Variants in MYO5B observed in about 807,000 individuals in gnomAD.
MYO5B encodes the protein unconventional myosin-Vb.
In MYO5B, 143 loss-of-function variants were observed where a neutral mutation model predicts 229.3. That is an observed-to-expected ratio of 0.62 (90% CI 0.54 to 0.72). The LOEUF is 0.72. MYO5B is among the 30% of genes least tolerant of loss of function. MYO5B has a pLI of 0.00. For missense variants in MYO5B, 2,321 were observed against 2,331.0 expected (o/e 1.00, Z 0.09); for synonymous variants, 918 against 885.2 (o/e 1.04, Z -0.66).
chr18:49,858,212 A>G (rs2024285931), intron 29 of MYO5B, among the ~76,000 whole-genome samples: 1 of 152,220 alleles, frequency 6.6e-6, no homozygotes, highest in South Asian at 2.1e-4. Context: ...ACATCAACAT[A>G]GACTTTAACA....
At chr18:49,878,285 A>G (rs1297515763) in intron 24 of MYO5B, among the ~76,000 whole-genome samples, 1 of 152,194 alleles carries the variant, frequency 6.6e-6, no homozygotes, top group Non-Finnish European at 1.5e-5. Context: ...TGAAAATAGT[A>G]GCATATTAAA....
intron 39 of MYO5B, among the ~76,000 whole-genome samples, chr18:49,826,853 C>T (rs375812218): frequency 1.2e-4 from 19 of 152,228 alleles, no homozygotes; most frequent in Non-Finnish European, 2.6e-4. Flanking sequence ...TCTCCCAATT[C>T]TAGCATTCTT....
chr18:50,015,650 G>C (rs2026208230), intron 4 of MYO5B, among the ~76,000 whole-genome samples: 1 of 152,234 alleles, frequency 6.6e-6, no homozygotes, highest in African/African-American at 2.4e-5. Context: ...CTTCCTGGTA[G>C]TTGACAATTA....
chr18:49,957,475 ATC>A (rs2025506691), intron 12 of MYO5B, among the ~76,000 whole-genome samples: 1 of 151,996 alleles, frequency 6.6e-6, no homozygotes, highest in Non-Finnish European at 1.5e-5. Flanking sequence ...GGGAGACCTC[ATC>A]TCTACAAAAA....
At chr18:50,109,273 G>A (rs72919804) in intron 1 of MYO5B, among the ~76,000 whole-genome samples, 36,355 of 151,874 alleles carry the variant, frequency 0.24, 5,278 homozygotes, top group African/African-American at 0.42. Flanking sequence ...TACGGGACCA[G>A]CAGGAAAAAC....
intron 33 of MYO5B, among the ~76,000 whole-genome samples, chr18:49,845,377 TCA>T (rs2024112219): frequency 6.6e-6 from 1 of 152,192 alleles, no homozygotes; most frequent in Non-Finnish European, 1.5e-5. Flanking sequence ...AAGGCAGATG[TCA>T]CAATCTGTTC....
intron 34 of MYO5B, among the ~76,000 whole-genome samples, chr18:49,841,992 T>C (rs2024063654): frequency 1.3e-5 from 2 of 151,812 alleles, no homozygotes; most frequent in Admixed American, 1.3e-4. Context: ...CAAACAGCTA[T>C]GAGACAGCTG....
At chr18:50,170,687 G>C (rs1283500845) in intron 1 of MYO5B, among the ~76,000 whole-genome samples, 1 of 126,530 alleles carries the variant, frequency 7.9e-6, no homozygotes, top group Non-Finnish European at 1.7e-5. Context: ...TCACAGCAAG[G>C]AACTGGCATA....
At chr18:50,192,677 C>T (rs542833596) in intron 1 of MYO5B, among the ~76,000 whole-genome samples, 60 of 152,290 alleles carry the variant, frequency 3.9e-4, no homozygotes, top group Non-Finnish European at 7.8e-4. Flanking sequence ...AACTATTAGG[C>T]GTCCACCTCA....
chr18:49,964,999 A>C (rs2025606159), intron 10 of MYO5B, among the ~76,000 whole-genome samples: 1 of 152,236 alleles, frequency 6.6e-6, no homozygotes, highest in South Asian at 2.1e-4. Context: ...TGTCAAGTTA[A>C]GAACTGACAA....
At chr18:50,156,975 C>T (rs2032688777) in intron 1 of MYO5B, among the ~76,000 whole-genome samples, 2 of 152,242 alleles carry the variant, frequency 1.3e-5, no homozygotes, top group Non-Finnish European at 2.9e-5. Context: ...AACTCTCTAC[C>T]TCAACACCCA....
At chr18:49,835,266 G>A (rs2023974284) in intron 39 of MYO5B, 78 bp downstream of exon 39, 1 of 1,019,312 alleles carries the variant, frequency 9.8e-7, no homozygotes, top group East Asian at 2.4e-5. Flanking sequence ...ATAAAGAGAA[G>A]CAAGATTAAA....
At chr18:50,187,830 T>A (rs2033170001) in intron 1 of MYO5B, among the ~76,000 whole-genome samples, 1 of 152,124 alleles carries the variant, frequency 6.6e-6, no homozygotes, top group African/African-American at 2.4e-5. Flanking sequence ...CCAATGTTCT[T>A]CAAGTGTCAA....
At chr18:50,000,336 T>C (rs2026032485) in intron 5 of MYO5B, among the ~76,000 whole-genome samples, 1 of 152,206 alleles carries the variant, frequency 6.6e-6, no homozygotes, top group South Asian at 2.1e-4. Context: ...ATTGTAGGTG[T>C]GATGATAGAA....
intron 2 of MYO5B, among the ~76,000 whole-genome samples, chr18:50,049,961 G>T (rs1023865499): frequency 6.6e-6 from 1 of 152,136 alleles, no homozygotes; most frequent in African/African-American, 2.4e-5. Flanking sequence ...TGAAAATGTT[G>T]AATCATTATG....
chr18:49,834,484 A>G (rs1244320513), intron 39 of MYO5B, among the ~76,000 whole-genome samples: 1 of 152,196 alleles, frequency 6.6e-6, no homozygotes, highest in Non-Finnish European at 1.5e-5. Flanking sequence ...CACAGTTACT[A>G]TCACATGCAA....
In MYO5B at chr18:49,906,233, C is replaced by G. The variant is rs1017574479; in HGVS notation, c.2414+186G>C. On this transcript the variant is annotated intron_variant, in intron 19 of 39. Transcript: ENST00000285039. The stretch of plus-strand genomic sequence containing the variant: ...GGAGATGTGGAAACTAGACCTACCC[C>G]CTGAGGTGAGAAGGCATTGATTATA... 2.0e-5 allele frequency among the ~76,000 whole-genome samples: 3 copies of G among 152,114 alleles called. No homozygotes were observed. The East Asian group carries it at 5.8e-4, about 29-fold the overall frequency.
intron 1 of MYO5B, among the ~76,000 whole-genome samples, chr18:50,144,108 A>C (rs908826931): frequency 6.6e-6 from 1 of 152,188 alleles, no homozygotes. Flanking sequence ...AGACCAGAGG[A>C]TCAAGGTAAC....
chr18:49,928,671 C>G (rs992256858), intron 17 of MYO5B, among the ~76,000 whole-genome samples: 1 of 152,140 alleles, frequency 6.6e-6, no homozygotes, highest in Admixed American at 6.5e-5. Flanking sequence ...GACACTGGCA[C>G]AGGCATGTTA....
Sources: gnomAD v4.1 joint callset for allele counts (sites outside exome capture counted in the v4.1 genomes callset) on GRCh38, gnomAD v4.1.1 for gene constraint, MANE v1.5 for transcripts, NCBI Gene and HGNC (gene_info 2026-07-23, HGNC 2026-07-21) for gene names.